Variants in SCAPER observed in about 807,000 individuals in gnomAD.
SCAPER encodes the protein S-phase cyclin A associated protein in the ER, also known as S phase cyclin A-associated protein in the endoplasmic reticulum.
SCAPER carries 98 observed loss-of-function variants against 182.2 expected under a neutral mutation model. That is an observed-to-expected ratio of 0.54 (90% confidence interval 0.46 to 0.64). The LOEUF (loss-of-function observed/expected upper bound fraction) is 0.64, where lower values mean the gene tolerates loss of function less well. SCAPER is among the 30% of genes least tolerant of loss of function. SCAPER has a pLI of 0.00. For missense variants in SCAPER, 1,432 were observed against 1,690.0 expected (o/e 0.85, Z 2.68); for synonymous variants, 605 against 564.6 (o/e 1.07, Z -1.01).
chr15:76,471,151 T>C lies in SCAPER; in HGVS notation c.3078+61A>G, dbSNP rs2143001480. On this transcript the variant is annotated intron_variant, in intron 25 of 31. Coordinates refer to ENST00000563290, the MANE Select transcript of SCAPER (RefSeq NM_020843.4). ...ACTAAGTTGAATTCTTTTAGTTTTCTCCACAGGGACTATTTCTCAAACCTT... is the reference window on the plus strand; with the variant it reads ...ACTAAGTTGAATTCTTTTAGTTTTCCCCACAGGGACTATTTCTCAAACCTT... 4 of 1,353,764 alleles carry C rather than the reference T, an allele frequency of 3.0e-6. No individual in the cohort carries two copies. The South Asian group carries it at 6.0e-5, about 20-fold the overall frequency. The allele number at this position is 1,353,764 out of a possible 1,614,324, so 83.9% of individuals were successfully genotyped here.
intron 21 of SCAPER, among the ~76,000 whole-genome samples, chr15:76,643,018 C>T (rs1251674680): frequency 1.3e-5 from 2 of 152,158 alleles, no homozygotes; most frequent in Admixed American, 1.3e-4. Flanking sequence ...GCACTATCTA[C>T]CAGTTGCTCT....
At chr15:76,753,326 G>C (rs970588137) in intron 15 of SCAPER, among the ~76,000 whole-genome samples, 5 of 151,856 alleles carry the variant, frequency 3.3e-5, no homozygotes, top group Admixed American at 6.6e-5. Flanking sequence ...CAACAGGATG[G>C]ATGAAGTTCA....
intron 1 of SCAPER, among the ~76,000 whole-genome samples, chr15:76,892,264 C>G (rs1339725151): frequency 6.6e-6 from 1 of 152,134 alleles, no homozygotes. Context: ...TAGGCATGGG[C>G]AAAGACTTCA....
intron 22 of SCAPER, among the ~76,000 whole-genome samples, chr15:76,576,274 G>A (rs905726420): frequency 6.6e-5 from 10 of 152,142 alleles, no homozygotes; most frequent in African/African-American, 2.4e-4. Context: ...TGAGGTGCGA[G>A]GACTGCTTAA....
At chr15:76,515,087 A>G (rs1401389338) in intron 23 of SCAPER, among the ~76,000 whole-genome samples, 3 of 152,254 alleles carry the variant, frequency 2.0e-5, no homozygotes, top group Non-Finnish European at 4.4e-5. Context: ...CAGTAAAATT[A>G]TAAGCTACAG....
At chr15:76,580,605 T>C (rs1442107826) in intron 22 of SCAPER, among the ~76,000 whole-genome samples, 1 of 151,918 alleles carries the variant, frequency 6.6e-6, no homozygotes, top group Non-Finnish European at 1.5e-5. Context: ...TAAAAAAAAA[T>C]CTTGAAAATA....
intron 17 of SCAPER, among the ~76,000 whole-genome samples, chr15:76,717,828 G>C (rs1047027832): frequency 6.6e-6 from 1 of 152,038 alleles, no homozygotes; most frequent in African/African-American, 2.4e-5. Context: ...GGGAGAAATA[G>C]ATAGCAATAT....
At chr15:76,397,200 T>C (rs1024341885) in intron 27 of SCAPER, among the ~76,000 whole-genome samples, 3 of 152,098 alleles carry the variant, frequency 2.0e-5, no homozygotes, top group African/African-American at 4.8e-5. Context: ...TAATGAATGA[T>C]CTTTTTTGCT....
intron 5 of SCAPER, among the ~76,000 whole-genome samples, chr15:76,815,658 C>T (rs113451603): frequency 6.6e-6 from 1 of 152,194 alleles, no homozygotes; most frequent in African/African-American, 2.4e-5. Context: ...TGAGCTCCAC[C>T]TCCTGTCAGA....
chr15:76,489,601 G>A (rs1349940947), intron 24 of SCAPER, among the ~76,000 whole-genome samples: 1 of 151,974 alleles, frequency 6.6e-6, no homozygotes, highest in Non-Finnish European at 1.5e-5. Flanking sequence ...GCATACATCA[G>A]TAGTCTGTCC....
At chr15:76,509,204 C>T (rs139971158) in intron 23 of SCAPER, among the ~76,000 whole-genome samples, 50 of 152,298 alleles carry the variant, frequency 3.3e-4, no homozygotes, top group African/African-American at 1.1e-3. Context: ...ATGCATAAGG[C>T]AAGGGTCCAA....
At chr15:76,729,787 TATC>T (rs371112005) in intron 16 of SCAPER, among the ~76,000 whole-genome samples, 3 of 151,984 alleles carry the variant, frequency 2.0e-5, no homozygotes, top group African/African-American at 4.8e-5. Flanking sequence ...TCTAAATAAT[TATC>T]ATCATCATCA....
chr15:76,459,546 T>TTTG (rs2048996935), intron 25 of SCAPER, among the ~76,000 whole-genome samples: 1 of 151,566 alleles, frequency 6.6e-6, no homozygotes, highest in Non-Finnish European at 1.5e-5. Flanking sequence ...TATTAGGGTT[T>TTTG]TTTTTTTTTG....
intron 22 of SCAPER, among the ~76,000 whole-genome samples, chr15:76,586,120 T>A (rs2048637159): frequency 6.6e-6 from 1 of 152,192 alleles, no homozygotes; most frequent in African/African-American, 2.4e-5. Context: ...CATTGGTAAA[T>A]ATGAAATGTA....
intron 5 of SCAPER, among the ~76,000 whole-genome samples, chr15:76,816,452 T>C (rs1428456927): frequency 1.3e-5 from 2 of 152,074 alleles, no homozygotes; most frequent in African/African-American, 4.8e-5. Context: ...CACCTCCACA[T>C]ATTGTCCCAC....
At position 76,376,254 on chromosome 15, in the gene SCAPER, G is replaced by A. The variant is rs1284904954; in HGVS notation, c.3763C>T (p.Leu1255=). Residue 1255 remains leucine (L), a synonymous_variant, in exon 29 of 32, where the codon CTG becomes TTG. Coordinates refer to ENST00000563290, the MANE Select transcript of SCAPER (RefSeq NM_020843.4). ...LAFRHMASSL[L]GHCSQVSCES... is the part of the protein sequence containing the mutation. ...CAGGAGACTTGGCTGCAGTGGCCCA[G>A]CAGGGAGCTGGCCATGTGCCGGAAT... 2 of 1,613,952 alleles carry A rather than the reference G, an allele frequency of 1.2e-6. No homozygotes were observed. The highest frequency in any genetic ancestry group is 3.3e-5 in the Admixed American group (2 of 60,028).
At chr15:76,717,419 G>A (rs766799175) in intron 17 of SCAPER, among the ~76,000 whole-genome samples, 1 of 152,068 alleles carries the variant, frequency 6.6e-6, no homozygotes, top group Admixed American at 6.6e-5. Context: ...TAAACCACAC[G>A]TATCTCTATT....
chr15:76,605,767 G>C (rs140020805), intron 22 of SCAPER, among the ~76,000 whole-genome samples: 2 of 152,110 alleles, frequency 1.3e-5, no homozygotes, highest in Non-Finnish European at 2.9e-5. Context: ...TGTATGTGTC[G>C]ATGAATTTAT....
intron 20 of SCAPER, among the ~76,000 whole-genome samples, chr15:76,689,588 A>G (rs192143098): frequency 1.1e-4 from 17 of 152,128 alleles, no homozygotes; most frequent in Non-Finnish European, 2.1e-4. Context: ...GCCTCCCCCT[A>G]AAAATGGCTT....
Sources: gnomAD v4.1 joint callset for allele counts (sites outside exome capture counted in the v4.1 genomes callset) on GRCh38, gnomAD v4.1.1 for gene constraint, MANE v1.5 for transcripts, NCBI Gene and HGNC (gene_info 2026-07-23, HGNC 2026-07-21) for gene names.